POLR2B: variants seen among roughly 807,000 people sequenced by gnomAD.
POLR2B encodes DNA-directed RNA polymerase II subunit RPB2.
A neutral mutation model predicts 144.6 loss-of-function variants in POLR2B; 57 were observed. The ratio of observed to expected loss-of-function variants is 0.39; its 90% CI spans 0.32 to 0.49. POLR2B has a LOEUF of 0.49. POLR2B is among the 20% of genes least tolerant of loss of function. The probability of loss-of-function intolerance (pLI) is 0.83; values close to 1 mark genes in which losing one functional copy is unlikely to be tolerated. For synonymous variants in POLR2B, 442 were observed against 469.8 expected (o/e 0.94, Z 0.77); for missense variants, 595 against 1,467.4 (o/e 0.41, Z 9.71).
chr4:57,013,815 T>C (rs1723278050), intron 13 of POLR2B, among the ~76,000 whole-genome samples: 1 of 151,770 alleles, frequency 6.6e-6, no homozygotes, highest in African/African-American at 2.4e-5. Flanking sequence ...AGCTGGTGGG[T>C]GAGGTAGAGT....
chr4:57,015,674 G>GAAAAAAA lies in POLR2B; in HGVS notation c.1955+23_1955+24insAAAAAAA. The GAAAAAAA allele has an allele frequency of 8.0e-7, 1 of 1,254,102 alleles. No homozygotes were observed. The allele number at this position is 1,254,102 out of a possible 1,614,324, so 77.7% of individuals were successfully genotyped here. ...AACTATAGGTAAAAACATGCAGTGA[G>GAAAAAAA]AAAAATGTGTGTATTAAAAATTGAG... On this transcript the variant is annotated intron_variant, in intron 14 of 24. Transcript: ENST00000314595.
chr4:56,994,210 A>T (rs1244086295), intron 3 of POLR2B, among the ~76,000 whole-genome samples, 194 bp from the exon 4 acceptor site: 1 of 152,202 alleles, frequency 6.6e-6, no homozygotes. Context: ...AAAGAAAGTG[A>T]TTTGGTTTAA....
chr4:56,996,925 A>G (rs1722708546), intron 6 of POLR2B, among the ~76,000 whole-genome samples: 1 of 151,908 alleles, frequency 6.6e-6, no homozygotes, highest in Non-Finnish European at 1.5e-5. Flanking sequence ...TCTCTAGCAA[A>G]ACAACAACAA....
chr4:56,988,629 T>C (rs759540371), intron 2 of POLR2B, among the ~76,000 whole-genome samples: 2 of 152,218 alleles, frequency 1.3e-5, no homozygotes, highest in African/African-American at 2.4e-5. Context: ...TAATATCTTT[T>C]GCCACCTATA....
At chr4:57,025,601 C>A in intron 23 of POLR2B, 64 bp downstream of exon 23, 3 of 1,122,018 alleles carry the variant, frequency 2.7e-6, no homozygotes, top group South Asian at 2.7e-5. Flanking sequence ...GTCAACACAC[C>A]AAAATGGAGA....
chr4:56,999,212 C>CT lies in POLR2B; in HGVS notation c.736-388dup, dbSNP rs34081589. Among the ~76,000 whole-genome samples, 1,049 of 124,758 alleles carry CT rather than the reference C, an allele frequency of 8.4e-3. 8 individuals carry two copies. The highest frequency in any genetic ancestry group is 0.012 in the Non-Finnish European group (749 of 60,496). 81.8% of individuals were successfully genotyped at this position (124,758 alleles called of 152,430 possible). A position where few individuals can be genotyped will look rare whatever the true frequency, so the allele number is the denominator to read the frequency against. The stretch of plus-strand genomic sequence containing the variant: ...CCGTATTTGTCTATCTGTATTGTCT[C>CT]TTTTTTTTTTTTTTTTTACCTCTCT... On this transcript the variant is annotated intron_variant, in intron 6 of 24. Transcript: ENST00000314595.
chr4:57,015,128 AAGTGATAT>A (rs1404530503), intron 13 of POLR2B, among the ~76,000 whole-genome samples: 11 of 152,298 alleles, frequency 7.2e-5, no homozygotes, highest in Non-Finnish European at 1.3e-4. Flanking sequence ...GGTCAAAGCA[AAGTGATAT>A]AGGGCTGGTT....
chr4:57,021,485 C>CTTTT lies in POLR2B; in HGVS notation c.2420+508_2420+511dup, dbSNP rs34804702. ...CAGATACTATGGCTTAATGTAAAAACTTTTTTTTTTTTTTTTTTTTTGAGA... is the reference window on the plus strand; with the variant it reads ...CAGATACTATGGCTTAATGTAAAAACTTTTTTTTTTTTTTTTTTTTTTTTTGAGA... On this transcript the variant is annotated intron_variant, in intron 17 of 24. Transcript: ENST00000314595. 3.5e-3 allele frequency among the ~76,000 whole-genome samples: 387 copies of CTTTT among 110,274 alleles called. 7 individuals carry two copies. Among genetic ancestry groups the CTTTT allele is most frequent in the South Asian group, 7.2e-3 (21 of 2,932 alleles). 72.3% of individuals were successfully genotyped at this position (110,274 alleles called of 152,430 possible).
intron 10 of POLR2B, among the ~76,000 whole-genome samples, chr4:57,008,317 C>T (rs1238054541): frequency 6.6e-6 from 1 of 152,042 alleles, no homozygotes; most frequent in African/African-American, 2.4e-5. Context: ...ATTCTCCTGC[C>T]TCAGCCTCCC....
intron 16 of POLR2B, among the ~76,000 whole-genome samples, chr4:57,019,587 C>A (rs1723475502): frequency 6.6e-6 from 1 of 152,134 alleles, no homozygotes; most frequent in Non-Finnish European, 1.5e-5. Context: ...TCCTCCTGAA[C>A]CACATGAGAG....
At chr4:57,024,263 A>AT (rs932742658) in intron 21 of POLR2B, 151 bp downstream of exon 21, 82 of 509,822 alleles carry the variant, frequency 1.6e-4, no homozygotes, top group Middle Eastern at 4.0e-4. Flanking sequence ...TGATTCTGCC[A>AT]TTTTTTTTGG....
intron 21 of POLR2B, among the ~76,000 whole-genome samples, chr4:57,024,423 TA>T (rs1226719963): frequency 6.6e-6 from 1 of 152,230 alleles, no homozygotes; most frequent in Non-Finnish European, 1.5e-5. Context: ...AATAATTTTA[TA>T]GTTCTATTAT....
chr4:56,979,932 T>TCAA (rs1191640271), intron 1 of POLR2B, among the ~76,000 whole-genome samples: 9 of 151,780 alleles, frequency 5.9e-5, no homozygotes, highest in African/African-American at 2.2e-4. Flanking sequence ...TTGAGTCTAG[T>TCAA]GTATTTTCGT....
chr4:56,996,659 T>C (rs563310020), intron 6 of POLR2B, among the ~76,000 whole-genome samples: 2 of 152,230 alleles, frequency 1.3e-5, no homozygotes, highest in South Asian at 4.1e-4. Context: ...TGTGTAATGA[T>C]CAAATTAGGG....
At chr4:57,001,141 A>G (rs1722839536) in intron 7 of POLR2B, among the ~76,000 whole-genome samples, 2 of 152,130 alleles carry the variant, frequency 1.3e-5, no homozygotes, top group South Asian at 2.1e-4. Flanking sequence ...TTTTGATTAT[A>G]TGTCTTTTTA....
intron 7 of POLR2B, among the ~76,000 whole-genome samples, chr4:57,004,637 A>G (rs529150249): frequency 3.7e-4 from 57 of 152,270 alleles, no homozygotes; most frequent in African/African-American, 1.2e-3. Context: ...TTGATTTTAG[A>G]TATCTGGAAC....
At chr4:57,016,073 A>T (rs1454017073) in intron 14 of POLR2B, among the ~76,000 whole-genome samples, 1 of 152,176 alleles carries the variant, frequency 6.6e-6, no homozygotes, top group Non-Finnish European at 1.5e-5. Flanking sequence ...AACGATTTTT[A>T]AAAAGTATAC....
chr4:57,024,273 G>T (rs1420156722), intron 21 of POLR2B, among the ~76,000 whole-genome samples, 161 bp downstream of exon 21: 2 of 151,872 alleles, frequency 1.3e-5, no homozygotes, highest in African/African-American at 2.4e-5. Flanking sequence ...ATTTTTTTTG[G>T]CAATTTGCAA....
intron 2 of POLR2B, among the ~76,000 whole-genome samples, chr4:56,986,993 GT>G (rs1722355624): frequency 6.6e-6 from 1 of 151,970 alleles, no homozygotes; most frequent in Non-Finnish European, 1.5e-5. Flanking sequence ...ATGTTCTTTT[GT>G]TTCCTTTAAT....
Sources: gnomAD v4.1 joint callset for allele counts (sites outside exome capture counted in the v4.1 genomes callset) on GRCh38, gnomAD v4.1.1 for gene constraint, MANE v1.5 for transcripts, NCBI Gene and HGNC (gene_info 2026-07-23, HGNC 2026-07-21) for gene names.